The following ACCSL variants were observed in gnomAD, a reference collection of about 807,000 sequenced individuals.
ACCSL encodes probable inactive 1-aminocyclopropane-1-carboxylate synthase-like protein 2.
In ACCSL, 55 loss-of-function variants were observed where a neutral mutation model predicts 61.7. The observed-to-expected ratio is 0.89, with a 90% CI of 0.72 to 1.12. The LOEUF is 1.12. ACCSL is among the 50% of genes most tolerant of loss of function. The pLI, the probability that ACCSL is intolerant of heterozygous loss-of-function variation, is 0.00. For missense variants in ACCSL, 632 were observed against 698.0 expected (o/e 0.91, Z 1.07); for synonymous variants, 258 against 264.3 (o/e 0.98, Z 0.23).
At chr11:43,984,133 G>A in the ACCSL span, among the ~76,000 whole-genome samples, 1 of 151,816 alleles carries the variant, frequency 6.6e-6, no homozygotes, top group Non-Finnish European at 1.5e-5. Flanking sequence ...AAAAAAAACT[G>A]CCTTGCAAAG....
chr11:44,025,768 G>A, the ACCSL span, among the ~76,000 whole-genome samples: 1 of 151,958 alleles, frequency 6.6e-6, no homozygotes, highest in Non-Finnish European at 1.5e-5. Flanking sequence ...AAAAAATCTA[G>A]GAATGTCTTA....
At chr11:43,995,603 G>A in the ACCSL span, 1 of 152,690 alleles carries the variant, frequency 6.5e-6, no homozygotes, top group African/African-American at 2.4e-5. Flanking sequence ...GAAAGGCTAG[G>A]GCACAGACAG....
chr11:44,030,748 T>C, the ACCSL span, among the ~76,000 whole-genome samples: 2 of 152,104 alleles, frequency 1.3e-5, no homozygotes, highest in Non-Finnish European at 2.9e-5. Context: ...TAAAAAAAAA[T>C]TCTTATCTTG....
At chr11:44,047,530 T>C (rs1420994719), upstream of ACCSL, among the ~76,000 whole-genome samples, 2 of 152,138 alleles carry the variant, frequency 1.3e-5, no homozygotes, top group Admixed American at 6.5e-5. Context: ...CATAAATAAA[T>C]GAATGGGGCT....
the ACCSL span, among the ~76,000 whole-genome samples, chr11:43,960,206 G>A: frequency 1.3e-5 from 2 of 152,130 alleles, no homozygotes; most frequent in African/African-American, 4.8e-5. Flanking sequence ...TGTCATATGT[G>A]TTCTGAGGTT....
chr11:44,025,284 A>G, the ACCSL span, among the ~76,000 whole-genome samples: 2 of 151,998 alleles, frequency 1.3e-5, no homozygotes, highest in African/African-American at 2.4e-5. Flanking sequence ...GGATATTTTT[A>G]AATATATAAT....
chr11:43,938,448 A>G, the ACCSL span, among the ~76,000 whole-genome samples: 1 of 152,104 alleles, frequency 6.6e-6, no homozygotes, highest in Admixed American at 6.5e-5. Flanking sequence ...ACCACATCCA[A>G]AGTTCCTTTC....
chr11:43,948,468 CTTTA>C, the ACCSL span, among the ~76,000 whole-genome samples: 1 of 151,876 alleles, frequency 6.6e-6, no homozygotes, highest in East Asian at 1.9e-4. Context: ...GGTTGCAACC[CTTTA>C]TTTATTTATT....
the ACCSL span, among the ~76,000 whole-genome samples, chr11:43,975,981 G>T: frequency 6.6e-6 from 1 of 152,030 alleles, no homozygotes; most frequent in Admixed American, 6.5e-5. Flanking sequence ...TGCCTTTTTT[G>T]AACAGGACTG....
intron 4 of ACCSL, 81 bp downstream of exon 4, chr11:44,051,485 C>CA (rs1486952055): frequency 3.2e-6 from 5 of 1,572,340 alleles, no homozygotes; most frequent in Non-Finnish European, 4.4e-6. Context: ...CTAGGGGGTA[C>CA]AAGGAGAACC....
At chr11:43,932,725 C>T in the ACCSL span, among the ~76,000 whole-genome samples, 2 of 152,172 alleles carry the variant, frequency 1.3e-5, no homozygotes, top group Non-Finnish European at 2.9e-5. Context: ...TGTTTTGGTG[C>T]CCAACCACAG....
the ACCSL span, among the ~76,000 whole-genome samples, chr11:43,994,516 ATGTGTGTGTGTGTGTC>A: frequency 6.6e-6 from 1 of 151,368 alleles, no homozygotes; most frequent in African/African-American, 2.4e-5. Flanking sequence ...TTGTGTGTAT[ATGTGTGTGTGTGTGTC>A]TGTGTGTGTT....
chr11:44,009,806 C>G, the ACCSL span, among the ~76,000 whole-genome samples: 1 of 152,018 alleles, frequency 6.6e-6, no homozygotes, highest in Admixed American at 6.6e-5. Context: ...AGAATGAGAA[C>G]CAATTGTGCA....
chr11:43,950,142 C>T, the ACCSL span, among the ~76,000 whole-genome samples: 1 of 152,216 alleles, frequency 6.6e-6, no homozygotes, highest in Non-Finnish European at 1.5e-5. Flanking sequence ...TCTTATCTAC[C>T]TATGACCCGG....
the ACCSL span, chr11:43,933,398 A>G: frequency 3.5e-6 from 1 of 282,092 alleles, no homozygotes; most frequent in Non-Finnish European, 7.2e-6. Context: ...TCCTGACTCC[A>G]CCCTGCCTTG....
At chr11:43,963,784 G>T in the ACCSL span, among the ~76,000 whole-genome samples, 3 of 152,136 alleles carry the variant, frequency 2.0e-5, no homozygotes, top group Admixed American at 2.0e-4. Context: ...TGAATGCCTG[G>T]TGAATGTGAC....
chr11:44,059,765 C>A (rs1457572094), intron 13 of ACCSL, 73 bp from the exon 14 acceptor site: 9 of 1,261,986 alleles, frequency 7.1e-6, no homozygotes, highest in African/African-American at 1.5e-5. Context: ...TGACCATGAC[C>A]TGGGTATGTC....
the ACCSL span, among the ~76,000 whole-genome samples, chr11:43,933,888 C>T: frequency 4.6e-5 from 7 of 152,286 alleles, no homozygotes; most frequent in East Asian, 7.7e-4. Flanking sequence ...GTGCCTCCTC[C>T]GGTGGGACCA....
upstream of ACCSL, among the ~76,000 whole-genome samples, chr11:44,044,357 C>T (rs191366585): frequency 1.4e-4 from 21 of 152,232 alleles, 1 homozygote; most frequent in African/African-American, 3.1e-4. Context: ...ATCTTACATA[C>T]GGAGAAACTG....
Sources: allele counts gnomAD v4.1 joint callset (sites outside exome capture counted in the v4.1 genomes callset), GRCh38; gene constraint gnomAD v4.1.1; transcripts MANE v1.5; gene names NCBI Gene and HGNC (gene_info 2026-07-23, HGNC 2026-07-21).